Variants in NELL2 observed in about 807,000 individuals in gnomAD.
NELL2 encodes protein kinase C-binding protein NELL2.
In NELL2, 41 loss-of-function variants were observed where a neutral mutation model predicts 109.6. The ratio of observed to expected loss-of-function variants is 0.37; its 90% CI spans 0.29 to 0.49. The LOEUF (loss-of-function observed/expected upper bound fraction) is 0.49, where lower values mean the gene tolerates loss of function less well. Ranked by LOEUF, NELL2 falls within the 20% of genes least tolerant of loss-of-function variation. NELL2 has a pLI of 0.98. For synonymous variants in NELL2, 355 were observed against 344.7 expected, an observed-to-expected ratio of 1.03 and a Z score of -0.33; for missense variants, 900 against 1,008.3, an observed-to-expected ratio of 0.89 and a Z score of 1.45.
intron 2 of NELL2, among the ~76,000 whole-genome samples, chr12:44,816,622 G>T (rs534205686): frequency 1.8e-4 from 27 of 152,144 alleles, no homozygotes; most frequent in Non-Finnish European, 3.7e-4. Flanking sequence ...CAGCCAGAAG[G>T]TTTGCTATAA....
At position 44,665,523 on chromosome 12, in the gene NELL2, T is replaced by G; in HGVS notation, c.1405A>C (p.Lys469Gln). 6.2e-7 allele frequency: 1 copy of G among 1,613,670 alleles called. No individual in the cohort carries two copies. The highest frequency in any genetic ancestry group is 8.5e-7 in the Non-Finnish European group (1 of 1,179,580). The change falls in exon 13 of 20, where the codon AAA (lysine) becomes CAA (glutamine). Residue 469 changes from lysine (K) to glutamine (Q), a missense_variant. Lys to Gln is a moderately conservative substitution (Grantham distance 53). Transcript: ENST00000429094. ...TCATCAATTCTGATGTATCCAGTTT[T>G]GCAGATGCACATAAAAGAACCCGGG... ...NTPGSFMCIC[K>Q]TGYIRIDDYS...
intron 2 of NELL2, among the ~76,000 whole-genome samples, chr12:44,819,485 T>C (rs1943470432): frequency 6.6e-6 from 1 of 152,226 alleles, no homozygotes; most frequent in South Asian, 2.1e-4. Flanking sequence ...TTGCACTACT[T>C]GTCAGGCATG....
rs1054758067 is a variant in NELL2 at position 44,816,200 on chromosome 12, T to C, written c.185-64A>G. 5.8e-6 allele frequency: 8 copies of C among 1,377,400 alleles called. No individual in the cohort carries two copies. In the South Asian group the frequency reaches 1.2e-4, roughly 20 times the overall value. The allele number at this position is 1,377,400 out of a possible 1,614,324, so 85.3% of individuals were successfully genotyped here. ...TTGATTTTATGAAGTATCTTTTACA[T>C]GTAACATCTTTCAAAAAACTTTATC... is the stretch of plus-strand genomic sequence containing the variant. On this transcript the variant is annotated intron_variant, in intron 2 of 19. Coordinates refer to ENST00000429094, the MANE Select transcript of NELL2 (RefSeq NM_001145108.2).
chr12:44,552,092 G>C (rs549238633), intron 15 of NELL2, among the ~76,000 whole-genome samples: 1 of 152,156 alleles, frequency 6.6e-6, no homozygotes, highest in Non-Finnish European at 1.5e-5. Flanking sequence ...TGCTAATGTG[G>C]TGTCTGTGAT....
intron 15 of NELL2, among the ~76,000 whole-genome samples, chr12:44,568,649 A>T (rs1036196454): frequency 6.6e-6 from 1 of 152,072 alleles, no homozygotes; most frequent in Non-Finnish European, 1.5e-5. Context: ...CTGACATATG[A>T]ATCCTGATAG....
rs760934926 is a variant in NELL2, at chr12:44,819,789, G to A, written c.185-3653C>T. Among the ~76,000 whole-genome samples, 72 of 152,176 alleles carry A rather than the reference G, an allele frequency of 4.7e-4. 1 individual carries two copies. The highest frequency in any genetic ancestry group is 7.4e-4 in the Non-Finnish European group (50 of 68,024). ...GCTTGCAGGAAGGAGGGACCCTCCA[G>A]CATGAACAAAGCCAGCGGAAGCCCC... On this transcript the variant is annotated intron_variant, in intron 2 of 19. Transcript: ENST00000429094.
At chr12:44,812,307 A>G (rs1943205818) in intron 3 of NELL2, among the ~76,000 whole-genome samples, 2 of 152,160 alleles carry the variant, frequency 1.3e-5, no homozygotes, top group South Asian at 4.1e-4. Flanking sequence ...ACCTAGATGT[A>G]TGTTATCAAC....
chr12:44,838,007 G>A (rs1944108348), intron 2 of NELL2, among the ~76,000 whole-genome samples: 1 of 152,108 alleles, frequency 6.6e-6, no homozygotes, highest in Non-Finnish European at 1.5e-5. Context: ...AAACCTGCAC[G>A]GGGGAATCCT....
At chr12:44,621,119 A>G (rs1430129077) in intron 13 of NELL2, among the ~76,000 whole-genome samples, 2 of 152,104 alleles carry the variant, frequency 1.3e-5, no homozygotes, top group African/African-American at 4.8e-5. Context: ...ACTCTACTAA[A>G]GGCCATGTCT....
At chr12:44,867,950 T>A (rs1945050431) in intron 2 of NELL2, among the ~76,000 whole-genome samples, 1 of 151,858 alleles carries the variant, frequency 6.6e-6, no homozygotes, top group African/African-American at 2.4e-5. Context: ...TGAAACCCTG[T>A]CTCTACTAAA....
intron 15 of NELL2, among the ~76,000 whole-genome samples, chr12:44,549,395 G>T (rs1449223300): frequency 6.6e-6 from 1 of 152,178 alleles, no homozygotes; most frequent in East Asian, 1.9e-4. Flanking sequence ...AAGGGTGGGA[G>T]AGAGATTAGA....
In NELL2 at chr12:44,752,861, TCACTGCCACTGCCTAGG is replaced by T. The variant is rs551965869; in HGVS notation, c.994+21869_994+21885del. Among the ~76,000 whole-genome samples the T allele has an allele frequency of 1.7e-3, 263 of 152,256 alleles. 2 individuals are homozygous for T. Among genetic ancestry groups the T allele is most frequent in the African/African-American group, 6.0e-3 (249 of 41,548 alleles). ...ATGTACTGCCACGGTGATGCCCCGCTCACTGCCACTGCCTAGGCCTAAGTCCTCTTGCTATCTCCTAA... is the reference window on the plus strand; with the variant it reads ...ATGTACTGCCACGGTGATGCCCCGCTCCTAAGTCCTCTTGCTATCTCCTAA... On this transcript the variant is annotated intron_variant, in intron 9 of 19. Transcript: ENST00000429094.
intron 5 of NELL2, among the ~76,000 whole-genome samples, chr12:44,779,230 G>T (rs1247869264): frequency 6.6e-6 from 1 of 152,200 alleles, no homozygotes; most frequent in East Asian, 1.9e-4. Context: ...GTGCACATAT[G>T]TGTATTCCTT....
chr12:44,706,389 T>C lies in NELL2; in HGVS notation c.1190-2535A>G, dbSNP rs368014930. On this transcript the variant is annotated intron_variant, in intron 11 of 19. Coordinates refer to ENST00000429094, the MANE Select transcript of NELL2 (RefSeq NM_001145108.2). ...TTTCGAGTGGGTTGCTTCTGATCTATAGGGAATAGCTTTAAACAAATCAGA... is the reference window on the plus strand; with the variant it reads ...TTTCGAGTGGGTTGCTTCTGATCTACAGGGAATAGCTTTAAACAAATCAGA... 3.3e-4 allele frequency among the ~76,000 whole-genome samples: 50 copies of C among 152,258 alleles called. No homozygotes were observed. In the South Asian group the frequency reaches 8.5e-3, roughly 26 times the overall value.
chr12:44,512,889 G>C (rs1941063663), intron 19 of NELL2, among the ~76,000 whole-genome samples: 1 of 152,042 alleles, frequency 6.6e-6, no homozygotes, highest in African/African-American at 2.4e-5. Flanking sequence ...ATAAGTTCTA[G>C]TGTTCTATAA....
intron 2 of NELL2, among the ~76,000 whole-genome samples, chr12:44,846,720 T>C (rs1044449704): frequency 3.3e-5 from 5 of 152,158 alleles, no homozygotes; most frequent in East Asian, 3.8e-4. Context: ...TCTAGTTTTT[T>C]CCCATGCCAA....
At chr12:44,683,613 A>G (rs1177367067) in intron 12 of NELL2, among the ~76,000 whole-genome samples, 9 of 152,008 alleles carry the variant, frequency 5.9e-5, no homozygotes, top group African/African-American at 1.9e-4. Context: ...TAATTTATTG[A>G]GAGTTTTTAG....
intron 9 of NELL2, among the ~76,000 whole-genome samples, chr12:44,761,843 G>T (rs768823876): frequency 6.6e-6 from 1 of 152,036 alleles, no homozygotes; most frequent in African/African-American, 2.4e-5. Flanking sequence ...ACACATGGAC[G>T]TACAAAAGGA....
intron 19 of NELL2, among the ~76,000 whole-genome samples, chr12:44,511,058 C>T (rs372727162): frequency 6.6e-6 from 1 of 152,156 alleles, no homozygotes; most frequent in African/African-American, 2.4e-5. Context: ...AGCATTAGAA[C>T]CCTATGGGGA....
Sources: gnomAD v4.1 joint callset for allele counts (sites outside exome capture counted in the v4.1 genomes callset) on GRCh38, gnomAD v4.1.1 for gene constraint, MANE v1.5 for transcripts, NCBI Gene and HGNC (gene_info 2026-07-23, HGNC 2026-07-21) for gene names.